Variants in SNX29 observed in about 807,000 individuals in gnomAD.
SNX29 encodes sorting nexin 29.
In SNX29, 78 loss-of-function variants were observed where a neutral mutation model predicts 102.1. That is an observed-to-expected ratio of 0.76 (90% CI 0.64 to 0.92). The LOEUF (loss-of-function observed/expected upper bound fraction) is 0.92. SNX29 is among the 40% of genes least tolerant of loss of function. The pLI, the probability that SNX29 is intolerant of heterozygous loss-of-function variation, is 0.00. For missense variants in SNX29, 1,280 were observed against 1,061.7 expected, an observed-to-expected ratio of 1.21 and a Z score of -2.86; for synonymous variants, 580 against 414.5, an observed-to-expected ratio of 1.40 and a Z score of -4.85.
At position 12,573,385 on chromosome 16, in the gene SNX29, T is replaced by TTA; in HGVS notation, c.*4759_*4760dup. 1 of 224,406 alleles carries TTA rather than the reference T, an allele frequency of 4.5e-6. No homozygotes were observed. Among genetic ancestry groups the TTA allele is most frequent in the African/African-American group, 2.2e-5 (1 of 44,992 alleles). The allele number at this position is 224,406 out of a possible 1,614,324, so 13.9% of individuals were successfully genotyped here. A position where few individuals can be genotyped will look rare whatever the true frequency, so the allele number is the denominator to read the frequency against. On this transcript the variant is annotated 3_prime_UTR_variant, in exon 21 of 21. Coordinates refer to ENST00000566228, the MANE Select transcript of SNX29 (RefSeq NM_032167.5). ...CAGCAACCAAGTTGCGTATCCTTCCTTATAGCTAGTTTCTATAGAGAAGTG... is the reference window on the plus strand; with the variant it reads ...CAGCAACCAAGTTGCGTATCCTTCCTTATATAGCTAGTTTCTATAGAGAAGTG...
At chr16:12,456,148 C>T (rs1012697314) in intron 18 of SNX29, among the ~76,000 whole-genome samples, 5 of 152,136 alleles carry the variant, frequency 3.3e-5, no homozygotes, top group African/African-American at 1.2e-4. Flanking sequence ...GTGAATAAGA[C>T]TCTGGTCATG....
chr16:12,411,226 G>A (rs1159267385), intron 18 of SNX29, among the ~76,000 whole-genome samples: 1 of 152,214 alleles, frequency 6.6e-6, no homozygotes, highest in African/African-American at 2.4e-5. Context: ...AGGTAGACAG[G>A]AGAGCCGGCC....
chr16:12,051,778 G>A (rs1179165196), intron 7 of SNX29, 69 bp from the exon 8 acceptor site: 1 of 1,571,012 alleles, frequency 6.4e-7, no homozygotes, highest in African/African-American at 1.4e-5. Context: ...CTGGAGGTGA[G>A]TTGGTTCCAT....
chr16:12,526,737 A>G (rs1052515565), intron 20 of SNX29: 4 of 457,984 alleles, frequency 8.7e-6, no homozygotes, highest in Non-Finnish European at 1.7e-5. Flanking sequence ...TGATGCTGAG[A>G]GTGTGAGCAG....
intron 13 of SNX29, among the ~76,000 whole-genome samples, chr16:12,132,628 C>G (rs2054510609): frequency 6.6e-6 from 1 of 152,146 alleles, no homozygotes; most frequent in African/African-American, 2.4e-5. Flanking sequence ...TAAGTGTATT[C>G]CACAGGAAGC....
intron 19 of SNX29, among the ~76,000 whole-genome samples, chr16:12,494,926 C>G (rs1022300359): frequency 6.6e-6 from 1 of 152,182 alleles, no homozygotes; most frequent in Non-Finnish European, 1.5e-5. Context: ...TTATTGAGTG[C>G]TAACTGCATG....
At chr16:12,520,264 G>A (rs2090047010) in intron 19 of SNX29, among the ~76,000 whole-genome samples, 1 of 152,208 alleles carries the variant, frequency 6.6e-6, no homozygotes, top group Non-Finnish European at 1.5e-5. Flanking sequence ...TCTTCACAAG[G>A]CAGATGGCTT....
intron 13 of SNX29, among the ~76,000 whole-genome samples, chr16:12,190,286 G>A (rs1021294849): frequency 6.6e-6 from 1 of 151,982 alleles, no homozygotes; most frequent in African/African-American, 2.4e-5. Context: ...TGACCACACC[G>A]AGACTCCATT....
chr16:12,232,040 G>A (rs1346839460), intron 14 of SNX29, among the ~76,000 whole-genome samples: 1 of 152,142 alleles, frequency 6.6e-6, no homozygotes, highest in Non-Finnish European at 1.5e-5. Flanking sequence ...TCATGTCTGG[G>A]AATTGTCATG....
In SNX29 at chr16:12,074,070, C is replaced by T. The variant is rs983648566; in HGVS notation, c.1320-4763C>T. ...TTTTGAGCCTATGTGTGTCTCTGCACGTGAGATGGGTTTCCTGAATACAGC... is the reference window on the plus strand; with the variant it reads ...TTTTGAGCCTATGTGTGTCTCTGCATGTGAGATGGGTTTCCTGAATACAGC... On this transcript the variant is annotated intron_variant, in intron 10 of 20. Coordinates refer to ENST00000566228, the MANE Select transcript of SNX29 (RefSeq NM_032167.5). Among the ~76,000 whole-genome samples the T allele has an allele frequency of 4.6e-5, 7 of 151,834 alleles. No homozygotes were observed. In the South Asian group the frequency reaches 6.3e-4, roughly 14 times the overall value.
chr16:12,434,128 T>G (rs2085428980), intron 18 of SNX29, among the ~76,000 whole-genome samples: 1 of 152,216 alleles, frequency 6.6e-6, no homozygotes, highest in African/African-American at 2.4e-5. Context: ...GTGGAGAGTT[T>G]GGACTATGGA....
At chr16:12,051,054 A>G (rs1596699897) in intron 7 of SNX29, among the ~76,000 whole-genome samples, 1 of 152,104 alleles carries the variant, frequency 6.6e-6, no homozygotes, top group African/African-American at 2.4e-5. Flanking sequence ...GAAGCAGGGC[A>G]TGGTGGCTCA....
chr16:12,336,139 C>T lies in SNX29; in HGVS notation c.1783-20024C>T, dbSNP rs2081442265. On this transcript the variant is annotated intron_variant, in intron 15 of 20. Transcript: ENST00000566228. ...CATTTTAAATAAATTAGGCCATCAC[C>T]ACAGACCCAGAGACATTGATTATTC... Among the ~76,000 whole-genome samples the T allele has an allele frequency of 2.6e-5, 4 of 151,866 alleles. No individual in the cohort carries two copies. In the South Asian group the frequency reaches 8.3e-4, roughly 32 times the overall value.
At chr16:12,308,873 T>C (rs1323191890) in intron 15 of SNX29, among the ~76,000 whole-genome samples, 3 of 152,158 alleles carry the variant, frequency 2.0e-5, no homozygotes, top group African/African-American at 7.2e-5. Context: ...CTGTCCGTTA[T>C]ATCGAAAAGT....
intron 11 of SNX29, among the ~76,000 whole-genome samples, chr16:12,103,313 G>T (rs1328504343): frequency 1.3e-5 from 2 of 152,152 alleles, no homozygotes; most frequent in African/African-American, 2.4e-5. Context: ...TGTATTACAA[G>T]GCTACAGTAA....
intron 18 of SNX29, among the ~76,000 whole-genome samples, chr16:12,476,391 T>TATATATATATATATAC (rs2087619503): frequency 1.4e-4 from 2 of 14,072 alleles, no homozygotes; most frequent in Non-Finnish European, 2.1e-4. Flanking sequence ...AAAATATATA[T>TATATATATATATATAC]ATATATATAT....
At chr16:12,222,843 A>G (rs1402955459) in intron 14 of SNX29, among the ~76,000 whole-genome samples, 3 of 152,264 alleles carry the variant, frequency 2.0e-5, no homozygotes, top group Non-Finnish European at 4.4e-5. Context: ...TGCTGGGATT[A>G]CAGGTGTAAG....
At chr16:12,200,357 A>G (rs1365527621) in intron 14 of SNX29, among the ~76,000 whole-genome samples, 2 of 152,198 alleles carry the variant, frequency 1.3e-5, no homozygotes, top group Non-Finnish European at 2.9e-5. Context: ...AGCCTGAAGA[A>G]AGGATATTTA....
intron 18 of SNX29, among the ~76,000 whole-genome samples, chr16:12,432,619 G>A (rs998287786): frequency 4.6e-5 from 7 of 152,240 alleles, no homozygotes; most frequent in African/African-American, 1.7e-4. Flanking sequence ...CGTGCCGCGC[G>A]TCACCTCCTG....
Sources: allele counts gnomAD v4.1 joint callset (sites outside exome capture counted in the v4.1 genomes callset), GRCh38; gene constraint gnomAD v4.1.1; transcripts MANE v1.5; gene names NCBI Gene and HGNC (gene_info 2026-07-23, HGNC 2026-07-21).